The following TCP11L2 variants were observed in gnomAD, a reference collection of about 807,000 sequenced individuals.
TCP11L2 encodes the protein t-complex 11 like 2.
Under a neutral mutation model 50.7 loss-of-function variants are expected in TCP11L2, and 39 were observed. The observed-to-expected ratio is 0.77, with a 90% CI of 0.60 to 1.01. The LOEUF is 1.01. Among genes scored for constraint, TCP11L2 ranks in the 50% least tolerant of loss-of-function variants. The probability of loss-of-function intolerance (pLI) is 0.00; values close to 1 mark genes in which losing one functional copy is unlikely to be tolerated. For missense variants in TCP11L2, 612 were observed against 614.7 expected, an observed-to-expected ratio of 1.00 and a Z score of 0.05; for synonymous variants, 192 against 219.3, an observed-to-expected ratio of 0.88 and a Z score of 1.10.
intron 9 of TCP11L2, among the ~76,000 whole-genome samples, 196 bp downstream of exon 9, chr12:106,341,194 G>T (rs1471307881): frequency 6.6e-6 from 1 of 152,160 alleles, no homozygotes; most frequent in Non-Finnish European, 1.5e-5. Flanking sequence ...TGGAGTTGGG[G>T]GATGTTTCAG....
chr12:106,320,782 A>C lies in TCP11L2; in HGVS notation c.415-704A>C, dbSNP rs9783501. Among the ~76,000 whole-genome samples the C allele has an allele frequency of 6.3e-3, 965 of 152,376 alleles. 10 individuals carry two copies. Among genetic ancestry groups the C allele is most frequent in the African/African-American group, 0.022 (902 of 41,582 alleles). ...TCTTCGATAGTCATACAGATGCACA[A>C]CAATAAACAATGTGCCGTGAAAGTG... On this transcript the variant is annotated intron_variant, in intron 4 of 9. Transcript: ENST00000299045.
chr12:106,330,454 G>C, intron 6 of TCP11L2: 1 of 254,834 alleles, frequency 3.9e-6, no homozygotes, highest in Non-Finnish European at 6.2e-6. Context: ...GGCTGAGGAA[G>C]GGCATCTAGT....
intron 2 of TCP11L2, among the ~76,000 whole-genome samples, chr12:106,312,047 C>T (rs567476835): frequency 3.3e-5 from 5 of 152,234 alleles, no homozygotes; most frequent in East Asian, 3.9e-4. Flanking sequence ...CACTCAAAGA[C>T]GACAGCTGGC....
intron 1 of TCP11L2, among the ~76,000 whole-genome samples, chr12:106,305,900 G>A (rs1565835137): frequency 2.0e-5 from 3 of 152,246 alleles, no homozygotes; most frequent in Admixed American, 6.5e-5. Context: ...GGAGAACACT[G>A]CAGAATAAGG....
upstream of TCP11L2, among the ~76,000 whole-genome samples, chr12:106,301,524 G>A (rs546475675): frequency 1.0e-3 from 154 of 152,330 alleles, no homozygotes; most frequent in African/African-American, 3.5e-3. Flanking sequence ...TGTAACCACT[G>A]AACAACTGAC....
chr12:106,329,351 C>T, intron 6 of TCP11L2: 1 of 1,536,086 alleles, frequency 6.5e-7, no homozygotes, highest in African/African-American at 1.4e-5. Context: ...GTTGCAGGTG[C>T]CTCATGAGGC....
chr12:106,315,813 CTATTA>C (rs2136664309), intron 3 of TCP11L2, among the ~76,000 whole-genome samples: 1 of 152,258 alleles, frequency 6.6e-6, no homozygotes, highest in Admixed American at 6.5e-5. Context: ...AGGCTTGAGA[CTATTA>C]TTACAGATCA....
In TCP11L2 at chr12:106,318,387, G is replaced by T. The variant is rs200134102; in HGVS notation, c.337G>T (p.Asp113Tyr). Residue 113 changes from aspartate (D) to tyrosine (Y), a missense_variant, in exon 4 of 10, where the codon GAC becomes TAC. Coordinates refer to ENST00000299045, the MANE Select transcript of TCP11L2 (RefSeq NM_152772.3). Reference protein sequence around the residue: ...VKHIVHQAFWDVLDSELNADP... With the variant: ...VKHIVHQAFWYVLDSELNADP... ...GCACATTGTTCACCAGGCCTTCTGG[G>T]ACGTCTTGGATTCAGAACTAAATGC... 123 of 1,614,048 alleles carry T rather than the reference G, an allele frequency of 7.6e-5. 1 individual carries two copies. In the Middle Eastern group the frequency reaches 1.2e-3, roughly 15 times the overall value.
intron 6 of TCP11L2, among the ~76,000 whole-genome samples, chr12:106,328,159 A>G (rs1261390530): frequency 6.6e-6 from 1 of 152,216 alleles, no homozygotes; most frequent in Non-Finnish European, 1.5e-5. Context: ...CACCTGTCAC[A>G]TGAGGGGTTC....
rs377402090 is a variant in TCP11L2 at position 106,314,360 on chromosome 12, A to G, written c.160A>G (p.Thr54Ala). 6.3e-7 allele frequency: 1 copy of G among 1,597,122 alleles called. No homozygotes were observed. The highest frequency in any genetic ancestry group is 1.7e-5 in the Admixed American group (1 of 59,286). ...ACTGGCTTTTGTTTTTCTTTCAGCA[A>G]CAAGCCCTCCAAGGGTTGTAACATT... ...SSSKSSSPAS[T>A]SPPRVVTFDE... The change falls in exon 3 of 10, where the codon ACA (threonine) becomes GCA (alanine). Residue 54 changes from threonine (T) to alanine (A), a missense_variant and splice_region_variant. Physicochemically the swap from Thr to Ala is moderately conservative, Grantham distance 58. Coordinates refer to ENST00000299045, the MANE Select transcript of TCP11L2 (RefSeq NM_152772.3).
At chr12:106,339,217 A>G (rs1446674554) in intron 8 of TCP11L2, among the ~76,000 whole-genome samples, 1 of 152,168 alleles carries the variant, frequency 6.6e-6, no homozygotes, top group Non-Finnish European at 1.5e-5. Flanking sequence ...TTTGATTTGC[A>G]TTTCTCTAAT....
chr12:106,307,629 T>C (rs1225543603), intron 1 of TCP11L2, among the ~76,000 whole-genome samples: 1 of 152,180 alleles, frequency 6.6e-6, no homozygotes, highest in Non-Finnish European at 1.5e-5. Flanking sequence ...TAAGAGCAGG[T>C]ATGAAGGAAC....
chr12:106,327,403 A>G (rs548259824), intron 6 of TCP11L2, among the ~76,000 whole-genome samples: 8 of 152,206 alleles, frequency 5.3e-5, no homozygotes, highest in African/African-American at 1.9e-4. Context: ...TGTGTTGCTC[A>G]GGCTGGTCTC....
At chr12:106,336,621 C>G (rs971363618) in intron 8 of TCP11L2, among the ~76,000 whole-genome samples, 4 of 145,278 alleles carry the variant, frequency 2.8e-5, no homozygotes, top group Non-Finnish European at 6.0e-5. Context: ...GGCGCAATCT[C>G]AGCTCACTGC....
At chr12:106,305,864 G>T (rs1161366685) in intron 1 of TCP11L2, among the ~76,000 whole-genome samples, 1 of 152,180 alleles carries the variant, frequency 6.6e-6, no homozygotes, top group Admixed American at 6.5e-5. Flanking sequence ...TCTGAGGAAC[G>T]CAAAGAAGAT....
Position 106,314,364 on chromosome 12 carries a change from G to A in TCP11L2, c.164G>A (p.Ser55Asn). Reference protein sequence around the residue: ...SSKSSSPASTSPPRVVTFDEV... With the variant: ...SSKSSSPASTNPPRVVTFDEV... Reference sequence around the variant, plus strand: ...GCTTTTGTTTTTCTTTCAGCAACAAGCCCTCCAAGGGTTGTAACATTTGAT... The same window carrying A: ...GCTTTTGTTTTTCTTTCAGCAACAAACCCTCCAAGGGTTGTAACATTTGAT... Residue 55 changes from serine to asparagine, a missense_variant, in exon 3 of 10, where the codon AGC (serine) becomes AAC (asparagine). Ser to Asn is a conservative substitution (Grantham distance 46). Coordinates refer to ENST00000299045, the MANE Select transcript of TCP11L2 (RefSeq NM_152772.3). 1.3e-6 allele frequency: 2 copies of A among 1,596,682 alleles called. No individual in the cohort carries two copies. The highest frequency in any genetic ancestry group is 1.7e-6 in the Non-Finnish European group (2 of 1,166,270).
intron 9 of TCP11L2, among the ~76,000 whole-genome samples, chr12:106,344,693 C>T (rs2036182562): frequency 6.6e-6 from 1 of 152,172 alleles, no homozygotes; most frequent in South Asian, 2.1e-4. Flanking sequence ...TTCAATGTGG[C>T]ATATTTTCCT....
intron 9 of TCP11L2, among the ~76,000 whole-genome samples, chr12:106,341,915 T>G (rs925515272): frequency 1.3e-5 from 2 of 152,176 alleles, no homozygotes; most frequent in Non-Finnish European, 2.9e-5. Flanking sequence ...GGGAAGAAAG[T>G]TAAGCCTGAG....
Position 106,321,563 on chromosome 12 carries a change from T to C in TCP11L2, c.492T>C (p.Ile164=), listed in dbSNP as rs1479203308. 2 of 1,614,214 alleles carry C rather than the reference T, an allele frequency of 1.2e-6. No individual in the cohort carries two copies. Among genetic ancestry groups the C allele is most frequent in the Admixed American group, 1.7e-5 (1 of 60,036 alleles). Residue 164 remains isoleucine, a synonymous_variant, in exon 5 of 10, where the codon ATT becomes ATC. Coordinates refer to ENST00000299045, the MANE Select transcript of TCP11L2 (RefSeq NM_152772.3). ...QICEVLDTDL[I]RQQAEHSAVD... Reference sequence around the variant, plus strand: ...GTGAAGTTTTGGACACAGACCTCATTAGGCAGCAGGCTGAGCACAGTGCTG... The same window carrying C: ...GTGAAGTTTTGGACACAGACCTCATCAGGCAGCAGGCTGAGCACAGTGCTG...
Sources: gnomAD v4.1 joint callset for allele counts (sites outside exome capture counted in the v4.1 genomes callset) on GRCh38, gnomAD v4.1.1 for gene constraint, MANE v1.5 for transcripts, NCBI Gene and HGNC (gene_info 2026-07-23, HGNC 2026-07-21) for gene names.